The following KLF1 variants were observed in gnomAD, a reference collection of about 807,000 sequenced individuals.
KLF1 encodes the protein KLF transcription factor 1.
Under a neutral mutation model 28.0 loss-of-function variants are expected in KLF1, and 29 were observed. That is an observed-to-expected ratio of 1.04 (90% CI 0.77 to 1.41). The LOEUF (loss-of-function observed/expected upper bound fraction) is 1.41. KLF1 is among the 40% of genes most tolerant of loss of function. KLF1 has a pLI of 0.00. For synonymous variants in KLF1, 262 were observed against 242.6 expected (o/e 1.08, Z -0.74); for missense variants, 508 against 515.1 (o/e 0.99, Z 0.13).
chr19:12,885,871 G>A lies in KLF1; in HGVS notation c.359C>T (p.Pro120Leu), dbSNP rs1038035292. 5 of 1,552,054 alleles carry A rather than the reference G, an allele frequency of 3.2e-6. No homozygotes were observed. Among genetic ancestry groups the A allele is most frequent in the African/African-American group, 2.7e-5 (2 of 73,044 alleles). The change falls in exon 2 of 3, where the codon CCG becomes CTG. Residue 120 changes from proline (P) to leucine (L), a missense_variant. By Grantham distance (98) the Pro-to-Leu change is moderately conservative. Transcript: ENST00000264834. The surrounding 1 kb of genome is among the most constrained non-coding windows in gnomAD (Gnocchi z 5.6). ...ACCCAAAAGCCCAGCCACCAGCCCC[G>A]GGCCGCCAGCATATGCGCCCAGAGT... Reference protein sequence around the residue: ...PETLGAYAGGPGLVAGLLGSE... With the variant: ...PETLGAYAGGLGLVAGLLGSE...
Position 12,884,878 on chromosome 19 carries a change from G to A in KLF1, c.*7C>T, listed in dbSNP as rs1418103145. ...TCACTAGGAGAGTCCAAGTGCCAGG[G>A]CAGGGCTCAAAGGTGGCGCTTCATG... is the stretch of plus-strand genomic sequence containing the variant. On this transcript the variant is annotated 3_prime_UTR_variant, in exon 3 of 3. Coordinates refer to ENST00000264834, the MANE Select transcript of KLF1 (RefSeq NM_006563.5). The A allele has an allele frequency of 1.9e-6, 3 of 1,613,502 alleles. No individual in the cohort carries two copies. Among genetic ancestry groups the A allele is most frequent in the Non-Finnish European group, 2.5e-6 (3 of 1,180,008 alleles).
rs752691531 is a variant in KLF1 at position 12,885,429 on chromosome 19, G to T, written c.801C>A (p.Gly267=). 1 of 1,605,518 alleles carries T rather than the reference G, an allele frequency of 6.2e-7. No homozygotes were observed. The highest frequency in any genetic ancestry group is 8.5e-7 in the Non-Finnish European group (1 of 1,176,616). Residue 267 remains glycine, a synonymous_variant, in exon 2 of 3, where the codon GGC becomes GGA. Transcript: ENST00000264834. The surrounding 1 kb of genome is among the most constrained non-coding windows in gnomAD (Gnocchi z 5.6). ...GCCTCTTGCGCGCCCACGAACGTCG[G>T]CCTCGCTTGGATGGCGCGGTCTCGG... The part of the protein sequence containing the change: ...VIAETAPSKR[G]RRSWARKRQA...
rs1318052472 is a variant in KLF1 at position 12,885,452 on chromosome 19, C to T, written c.778G>A (p.Glu260Lys). Residue 260 changes from glutamate to lysine, a missense_variant, in exon 2 of 3, where the codon GAG becomes AAG. Glu to Lys is a moderately conservative substitution (Grantham distance 56, BLOSUM62 1). Transcript: ENST00000264834. This position sits in a 1 kb window ranked among gnomAD's most constrained non-coding sequence, Gnocchi z 5.6. ...GTAEDPGVIAETAPSKRGRRS... is the reference protein window; with the variant it reads ...GTAEDPGVIAKTAPSKRGRRS... ...CGGCCTCGCTTGGATGGCGCGGTCTCGGCTATCACACCTGGATCCTCTGCA... is the reference window on the plus strand; with the variant it reads ...CGGCCTCGCTTGGATGGCGCGGTCTTGGCTATCACACCTGGATCCTCTGCA... 1 of 1,604,450 alleles carries T rather than the reference C, an allele frequency of 6.2e-7. No homozygotes were observed. The highest frequency in any genetic ancestry group is 8.5e-7 in the Non-Finnish European group (1 of 1,176,258).
In KLF1 at chr19:12,885,254, T is replaced by G; in HGVS notation, c.913+63A>C. On this transcript the variant is annotated intron_variant, in intron 2 of 2. Coordinates refer to ENST00000264834, the MANE Select transcript of KLF1 (RefSeq NM_006563.5). This position sits in a 1 kb window ranked among gnomAD's most constrained non-coding sequence, Gnocchi z 5.6. ...TCCAAGTCCCGCCCTCTGCAACCCT[T>G]CTTCCCCTGTAACTACAGCGGGCGC... 6.8e-7 allele frequency: 1 copy of G among 1,460,038 alleles called. No homozygotes were observed. Among genetic ancestry groups the G allele is most frequent in the Non-Finnish European group, 9.3e-7 (1 of 1,071,870 alleles). The allele number at this position is 1,460,038 out of a possible 1,614,324, so 90.4% of individuals were successfully genotyped here. A position where few individuals can be genotyped will look rare whatever the true frequency, so the allele number is the denominator to read the frequency against.
chr19:12,884,598 T>G lies in KLF1; in HGVS notation c.*287A>C. On this transcript the variant is annotated 3_prime_UTR_variant, in exon 3 of 3. Transcript: ENST00000264834. ...CTGGTCTGAGTGTCCACTGAGTCCG[T>G]TTATTTGGCGGTCTGTCTCACTGGG... is the stretch of plus-strand genomic sequence containing the variant. 1 of 478,660 alleles carries G rather than the reference T, an allele frequency of 2.1e-6. No individual in the cohort carries two copies. The highest frequency in any genetic ancestry group is 3.8e-6 in the Non-Finnish European group (1 of 260,950). 29.7% of individuals were successfully genotyped at this position (478,660 alleles called of 1,614,324 possible).
intron 1 of KLF1, among the ~76,000 whole-genome samples, chr19:12,886,439 C>T (rs1194724202): frequency 6.6e-6 from 1 of 152,082 alleles, no homozygotes; most frequent in Non-Finnish European, 1.5e-5. Context: ...GGAAAACTGG[C>T]AGGGGACGGG....
At position 12,884,849 on chromosome 19, in the gene KLF1, C is replaced by G. The variant is rs368720972; in HGVS notation, c.*36G>C. 45 of 1,610,276 alleles carry G rather than the reference C, an allele frequency of 2.8e-5. No homozygotes were observed. The highest frequency in any genetic ancestry group is 1.8e-4 in the Admixed American group (11 of 60,008). On this transcript the variant is annotated 3_prime_UTR_variant, in exon 3 of 3. Transcript: ENST00000264834. ...ACCAAACAGGCTTCTTGTCCCATCC[C>G]CAGTCACTAGGAGAGTCCAAGTGCC... is the stretch of plus-strand genomic sequence containing the variant.
chr19:12,884,702 A>T lies in KLF1; in HGVS notation c.*183T>A. On this transcript the variant is annotated 3_prime_UTR_variant, in exon 3 of 3. Coordinates refer to ENST00000264834, the MANE Select transcript of KLF1 (RefSeq NM_006563.5). ...CGGATTTTCCGTAAGAGGCTCCCCC[A>T]GGGCTGTCTATGGGTCCGTGTTTGA... 1 of 660,616 alleles carries T rather than the reference A, an allele frequency of 1.5e-6. No homozygotes were observed. Among genetic ancestry groups the T allele is most frequent in the Non-Finnish European group, 2.6e-6 (1 of 382,246 alleles). The allele number at this position is 660,616 out of a possible 1,614,324, so 40.9% of individuals were successfully genotyped here.
Position 12,885,711 on chromosome 19 carries a change from G to A in KLF1, c.519C>T (p.Pro173=). The A allele has an allele frequency of 6.6e-7, 1 of 1,523,634 alleles. No individual in the cohort carries two copies. Among genetic ancestry groups the A allele is most frequent in the African/African-American group, 1.4e-5 (1 of 72,334 alleles). 94.4% of individuals were successfully genotyped at this position (1,523,634 alleles called of 1,614,324 possible). ...ALALQPVYPG[P]GAGSSGGYFP... is the part of the protein sequence containing the mutation. ...AGTAGCCACCCGAGGAGCCGGCGCC[G>A]GGCCCCGGGTACACCGGTTGCAGCG... Residue 173 remains proline, a synonymous_variant, in exon 2 of 3, where the codon CCC becomes CCT. Transcript: ENST00000264834. This position sits in a 1 kb window ranked among gnomAD's most constrained non-coding sequence, Gnocchi z 5.6.
Position 12,885,039 on chromosome 19 carries a change from G to A in KLF1, c.935C>T (p.Thr312Met). 6.2e-7 allele frequency: 1 copy of A among 1,606,886 alleles called. No homozygotes were observed. The highest frequency in any genetic ancestry group is 2.2e-5 in the East Asian group (1 of 44,878). The change falls in exon 3 of 3, where the codon ACG becomes ATG. Residue 312 changes from threonine to methionine, a missense_variant. Coordinates refer to ENST00000264834, the MANE Select transcript of KLF1 (RefSeq NM_006563.5). The surrounding 1 kb of genome is among the most constrained non-coding windows in gnomAD (Gnocchi z 5.6). Reference sequence around the variant, plus strand: ...GAATCTCCAGCCGCAGCCTTCCCACGTGCAGGCGTATGGCTTCTCCCCTAG... The same window carrying A: ...GAATCTCCAGCCGCAGCCTTCCCACATGCAGGCGTATGGCTTCTCCCCTAG... ...THTGEKPYAC[T>M]WEGCGWRFAR...
At position 12,887,043 on chromosome 19, in the gene KLF1, C is replaced by G; in HGVS notation, c.87+11G>C. On this transcript the variant is annotated intron_variant, in intron 1 of 2. Transcript: ENST00000264834. The surrounding 1 kb of genome is among the most constrained non-coding windows in gnomAD (Gnocchi z 4.7). ...AGCCAGCCCACCTAGACCCCACCTT[C>G]TAGGCCCCACCTTGAGGAAGTCATC... 1 of 1,614,086 alleles carries G rather than the reference C, an allele frequency of 6.2e-7. No homozygotes were observed. The highest frequency in any genetic ancestry group is 1.3e-5 in the African/African-American group (1 of 75,056).
intron 1 of KLF1, 58 bp from the exon 2 acceptor site, chr19:12,886,200 G>A: frequency 7.6e-7 from 1 of 1,317,192 alleles, no homozygotes; most frequent in Non-Finnish European, 1.1e-6. Context: ...CCTGCCCAGG[G>A]ACATCGCGGG....
Position 12,887,057 on chromosome 19 carries a change from G to T in KLF1, c.84C>A (p.Leu28=), listed in dbSNP as rs371571179. Reference sequence around the variant, plus strand: ...GACCCCACCTTCTAGGCCCCACCTTGAGGAAGTCATCCTGTGTGTCCGGGA... The same window carrying T: ...GACCCCACCTTCTAGGCCCCACCTTTAGGAAGTCATCCTGTGTGTCCGGGA... ...GPFPDTQDDF[L]KWWRSEEAQD... The change falls in exon 1 of 3, where the codon CTC becomes CTA. Residue 28 remains leucine, a synonymous_variant. Transcript: ENST00000264834. The surrounding 1 kb of genome is among the most constrained non-coding windows in gnomAD (Gnocchi z 4.7). 6.2e-7 allele frequency: 1 copy of T among 1,613,964 alleles called. No individual in the cohort carries two copies. The highest frequency in any genetic ancestry group is 1.7e-5 in the Admixed American group (1 of 60,012).
At position 12,884,765 on chromosome 19, in the gene KLF1, G is replaced by A. The variant is rs923403327; in HGVS notation, c.*120C>T. ...TCTTTGGGAACGCGAGTCCAGGAGA[G>A]GGTCCATTCGTGGGAAAACCACCCA... On this transcript the variant is annotated 3_prime_UTR_variant, in exon 3 of 3. Coordinates refer to ENST00000264834, the MANE Select transcript of KLF1 (RefSeq NM_006563.5). 7.5e-6 allele frequency: 8 copies of A among 1,060,846 alleles called. No individual in the cohort carries two copies. Among genetic ancestry groups the A allele is most frequent in the Non-Finnish European group, 1.1e-5 (8 of 703,566 alleles). The allele number at this position is 1,060,846 out of a possible 1,614,324, so 65.7% of individuals were successfully genotyped here.
chr19:12,884,812 T>G lies in KLF1; in HGVS notation c.*73A>C. 2 of 1,507,102 alleles carry G rather than the reference T, an allele frequency of 1.3e-6. No homozygotes were observed. Among genetic ancestry groups the G allele is most frequent in the Non-Finnish European group, 1.8e-6 (2 of 1,089,672 alleles). The allele number at this position is 1,507,102 out of a possible 1,614,324, so 93.4% of individuals were successfully genotyped here. On this transcript the variant is annotated 3_prime_UTR_variant, in exon 3 of 3. Coordinates refer to ENST00000264834, the MANE Select transcript of KLF1 (RefSeq NM_006563.5). ...CCCAGCATTGTGTCACGCGCGTCCG[T>G]GTGAAGAGACCACCAAACAGGCTTC...
At position 12,885,560 on chromosome 19, in the gene KLF1, C is replaced by T. The variant is rs764100759; in HGVS notation, c.670G>A (p.Gly224Arg). 8.3e-6 allele frequency: 13 copies of T among 1,566,346 alleles called. No homozygotes were observed. In the African/African-American group the frequency reaches 1.6e-4, roughly 20 times the overall value. ...GHFQLFRGLQ[G>R]PAPGPATSPS... The stretch of plus-strand genomic sequence containing the variant: ...GACGTGGCGGGACCGGGCGCGGGTC[C>T]CTGGAGCCCGCGGAAGAGCTGGAAG... Residue 224 changes from glycine to arginine, a missense_variant, in exon 2 of 3, where the codon GGA becomes AGA. By Grantham distance (125) the Gly-to-Arg change is moderately radical. Coordinates refer to ENST00000264834, the MANE Select transcript of KLF1 (RefSeq NM_006563.5). The surrounding 1 kb of genome is among the most constrained non-coding windows in gnomAD (Gnocchi z 5.6).
chr19:12,886,121 G>A lies in KLF1; in HGVS notation c.109C>T (p.Gln37Ter), dbSNP rs755193431. The change falls in exon 2 of 3, where the codon CAG becomes TAG. Residue 37 changes from glutamine to a stop codon, truncating the protein, a stop_gained. Transcript: ENST00000264834. LOFTEE classifies it high-confidence loss of function. ...TCAGGAGGACCCGGGCCCATGTCCT[G>A]CGCCTCTTCGGAGCGCCACCACTGC... ...FLKWWRSEEA[Q>*]DMGPGPPDPT... 1.2e-6 allele frequency: 2 copies of A among 1,603,352 alleles called. No individual in the cohort carries two copies. The highest frequency in any genetic ancestry group is 2.7e-5 in the African/African-American group (2 of 74,830).
In KLF1 at chr19:12,884,741, CTT is replaced by C; in HGVS notation, c.*142_*143del. ...GTCCGTGTTTGATATTTGGGTGGAT[CTT>C]TGGGAACGCGAGTCCAGGAGAGGGT... On this transcript the variant is annotated 3_prime_UTR_variant, in exon 3 of 3. Coordinates refer to ENST00000264834, the MANE Select transcript of KLF1 (RefSeq NM_006563.5). 1.1e-6 allele frequency: 1 copy of C among 875,686 alleles called. No individual in the cohort carries two copies. The highest frequency in any genetic ancestry group is 1.5e-5 in the South Asian group (1 of 68,166). 54.2% of individuals were successfully genotyped at this position (875,686 alleles called of 1,614,324 possible). A position where few individuals can be genotyped will look rare whatever the true frequency, so the allele number is the denominator to read the frequency against.
rs1568420340 is a variant in KLF1 at position 12,884,945 on chromosome 19, G to T, written c.1029C>A (p.Leu343=). The change falls in exon 3 of 3, where the codon CTC becomes CTA. Residue 343 remains leucine, a synonymous_variant. Coordinates refer to ENST00000264834, the MANE Select transcript of KLF1 (RefSeq NM_006563.5). The part of the protein sequence containing the change: ...HTGQRPFRCQ[L]CPRAFSRSDH... ...CAGAGCGCGAAAAAGCACGTGGGCA[G>T]AGCTGGCAGCGGAAGGGGCGCTGCC... The T allele has an allele frequency of 6.2e-7, 1 of 1,613,956 alleles. No individual in the cohort carries two copies. The highest frequency in any genetic ancestry group is 8.5e-7 in the Non-Finnish European group (1 of 1,180,034).
Sources: allele counts gnomAD v4.1 joint callset (sites outside exome capture counted in the v4.1 genomes callset), GRCh38; gene constraint gnomAD v4.1.1; non-coding constraint Gnocchi (gnomAD v3.1); transcripts MANE v1.5; gene names NCBI Gene and HGNC (gene_info 2026-07-23, HGNC 2026-07-21).